Variants in ELF1 observed in about 807,000 individuals in gnomAD.
ELF1 encodes ETS-related transcription factor Elf-1.
Under a neutral mutation model 59.9 loss-of-function variants are expected in ELF1, and 24 were observed. The observed-to-expected ratio is 0.40, with a 90% CI of 0.29 to 0.56. The LOEUF (loss-of-function observed/expected upper bound fraction) is 0.56. Among genes scored for constraint, ELF1 ranks in the 20% least tolerant of loss-of-function variants. ELF1 has a pLI of 0.44. For synonymous variants in ELF1, 248 were observed against 266.2 expected, an observed-to-expected ratio of 0.93 and a Z score of 0.67; for missense variants, 627 against 742.2, an observed-to-expected ratio of 0.84 and a Z score of 1.80.
chr13:41,051,625 G>A (rs1425024034), intron 1 of ELF1, among the ~76,000 whole-genome samples: 2 of 152,014 alleles, frequency 1.3e-5, no homozygotes, highest in Non-Finnish European at 1.5e-5. Flanking sequence ...AATCAGAAAT[G>A]TATCTTGGTC....
chr13:41,054,137 C>A (rs1354019599), intron 1 of ELF1, among the ~76,000 whole-genome samples: 4 of 152,094 alleles, frequency 2.6e-5, no homozygotes, highest in Non-Finnish European at 5.9e-5. Context: ...AAAAACCAAC[C>A]CTTCCATATG....
chr13:40,933,433 A>G lies in ELF1; in HGVS notation c.1852T>C (p.Ser618Pro). ...MKQNELLEPN[S>P]F The stretch of plus-strand genomic sequence containing the variant: ...AAGCTTTGGTATATTAACTAAAAAG[A>G]GTTGGGTTCCAGCAGTTCGTTTTGT... The change falls in exon 9 of 9, where the codon TCT (serine) becomes CCT (proline). Residue 618 changes from serine to proline, a missense_variant. By Grantham distance (74) the Ser-to-Pro change is moderately conservative (BLOSUM62 -1). Around this residue, in one of 3 missense-constraint regions of ELF1, gnomAD observed 361 missense variants for 396.1 expected, o/e 0.91. Coordinates refer to ENST00000239882, the MANE Select transcript of ELF1 (RefSeq NM_172373.4). 2.5e-6 allele frequency: 4 copies of G among 1,610,016 alleles called. No individual in the cohort carries two copies. Among genetic ancestry groups the G allele is most frequent in the Admixed American group, 1.7e-5 (1 of 59,356 alleles).
At chr13:41,060,465 C>A (rs1877491176) in intron 1 of ELF1, among the ~76,000 whole-genome samples, 1 of 152,020 alleles carries the variant, frequency 6.6e-6, no homozygotes, top group Admixed American at 6.5e-5. Flanking sequence ...GGGGAGCAGC[C>A]CAGGGGAAAG....
intron 1 of ELF1, among the ~76,000 whole-genome samples, chr13:41,009,923 A>T (rs1874951988): frequency 6.6e-6 from 1 of 152,018 alleles, no homozygotes; most frequent in African/African-American, 2.4e-5. Flanking sequence ...ATATTCTTAA[A>T]ATGTATTGAG....
intron 1 of ELF1, among the ~76,000 whole-genome samples, chr13:41,060,437 C>G (rs1319479311): frequency 6.6e-6 from 1 of 152,144 alleles, no homozygotes; most frequent in Non-Finnish European, 1.5e-5. Flanking sequence ...GTCTGGAAAA[C>G]TACGGGCCGG....
chr13:41,054,345 C>T (rs1214805387), intron 1 of ELF1, among the ~76,000 whole-genome samples: 1 of 152,208 alleles, frequency 6.6e-6, no homozygotes, highest in Non-Finnish European at 1.5e-5. Context: ...AGTTCTAAAA[C>T]AGTAAATCGC....
chr13:40,980,211 C>A (rs1873172864), intron 2 of ELF1, among the ~76,000 whole-genome samples: 1 of 152,128 alleles, frequency 6.6e-6, no homozygotes, highest in Admixed American at 6.5e-5. Flanking sequence ...AATTGTGGCT[C>A]TACTATTTAC....
Position 40,933,645 on chromosome 13 carries a change from T to A in ELF1, c.1640A>T (p.His547Leu). The change falls in exon 9 of 9, where the codon CAC becomes CTC. Residue 547 changes from histidine (H) to leucine (L), a missense_variant. By Grantham distance (99) the His-to-Leu change is moderately conservative. Around this residue, in one of 3 missense-constraint regions of ELF1, gnomAD observed 361 missense variants for 396.1 expected, o/e 0.91. Transcript: ENST00000239882. Reference sequence around the variant, plus strand: ...TGAAGTGATTACAGTGCCAGGTGGGTGAGCAACCAGCTGTGAACTGCGAGG... The same window carrying A: ...TGAAGTGATTACAGTGCCAGGTGGGAGAGCAACCAGCTGTGAACTGCGAGG... ...FSPRSSQLVA[H>L]PPGTVITSVI... The A allele has an allele frequency of 3.1e-6, 5 of 1,614,234 alleles. No homozygotes were observed. The highest frequency in any genetic ancestry group is 4.2e-6 in the Non-Finnish European group (5 of 1,180,044).
chr13:40,955,948 C>G (rs866286662), intron 3 of ELF1, among the ~76,000 whole-genome samples: 15,260 of 104,356 alleles, frequency 0.15, 1,911 homozygotes, highest in African/African-American at 0.22. Flanking sequence ...GGGAGGGAGG[C>G]GGGGGGGTCA....
At chr13:40,990,074 GATAC>G (rs1310145577) in intron 1 of ELF1, among the ~76,000 whole-genome samples, 2 of 151,994 alleles carry the variant, frequency 1.3e-5, no homozygotes, top group Non-Finnish European at 2.9e-5. Flanking sequence ...ATACACATTC[GATAC>G]ATAATTTTAC....
At chr13:41,026,205 C>T (rs1875898576) in intron 1 of ELF1, among the ~76,000 whole-genome samples, 1 of 152,168 alleles carries the variant, frequency 6.6e-6, no homozygotes, top group South Asian at 2.1e-4. Flanking sequence ...CCTTCTACTT[C>T]AGTGTAATGT....
rs114100848 is a variant in ELF1 at position 40,935,174 on chromosome 13, A to G, written c.1257-1146T>C. 7.6e-3 allele frequency among the ~76,000 whole-genome samples: 1,162 copies of G among 152,364 alleles called. 17 individuals are homozygous for G. Among genetic ancestry groups the G allele is most frequent in the African/African-American group, 0.026 (1,090 of 41,584 alleles). ...GATATTATGAGTCAATCTAATTTAA[A>G]AAGTTCACAGCTCTGAAATTTATAG... On this transcript the variant is annotated intron_variant, in intron 8 of 8. Transcript: ENST00000239882.
chr13:40,955,961 C>A (rs1245898370), intron 3 of ELF1, among the ~76,000 whole-genome samples: 1 of 136,164 alleles, frequency 7.3e-6, no homozygotes, highest in Admixed American at 7.1e-5. Context: ...GGGGGTCAGC[C>A]CCCCGCCCGG....
At chr13:41,049,982 T>C (rs1261211453) in intron 1 of ELF1, among the ~76,000 whole-genome samples, 2 of 152,162 alleles carry the variant, frequency 1.3e-5, no homozygotes, top group Non-Finnish European at 2.9e-5. Flanking sequence ...GTGCATAGAG[T>C]ATCCACATAC....
intron 2 of ELF1, among the ~76,000 whole-genome samples, chr13:40,964,208 GA>G (rs1220991706): frequency 6.6e-6 from 1 of 152,136 alleles, no homozygotes; most frequent in Non-Finnish European, 1.5e-5. Context: ...ACCTTTTAAA[GA>G]AATAGTAAAA....
chr13:40,993,399 G>T, intron 1 of ELF1: 1 of 799,096 alleles, frequency 1.3e-6, no homozygotes, highest in Admixed American at 2.1e-5. Flanking sequence ...GGTCTGGGGG[G>T]AGCGGGGCTG....
At chr13:41,009,805 C>T (rs12584853) in intron 1 of ELF1, among the ~76,000 whole-genome samples, 7,171 of 151,932 alleles carry the variant, frequency 0.047, 423 homozygotes, top group East Asian at 0.23. Flanking sequence ...AGAAAGCTTG[C>T]ATTTTTTTAA....
At position 40,949,838 on chromosome 13, in the gene ELF1, G is replaced by T. The variant is rs1038873613; in HGVS notation, c.497C>A (p.Ala166Asp). The T allele has an allele frequency of 6.2e-7, 1 of 1,613,932 alleles. No individual in the cohort carries two copies. The highest frequency in any genetic ancestry group is 1.3e-5 in the African/African-American group (1 of 74,856). The change falls in exon 5 of 9, where the codon GCC (alanine) becomes GAC (aspartate). Residue 166 changes from alanine to aspartate, a missense_variant. Physicochemically the swap from Ala to Asp is moderately radical, Grantham distance 126. Around this residue, in one of 3 missense-constraint regions of ELF1, gnomAD observed 232 missense variants for 269.2 expected, o/e 0.86. Coordinates refer to ENST00000239882, the MANE Select transcript of ELF1 (RefSeq NM_172373.4). Reference sequence around the variant, plus strand: ...CCTCTTAGGCTGTTCTGGTGATGAGGCTCCCGGTGAGTCTGCATATTTTTC... The same window carrying T: ...CCTCTTAGGCTGTTCTGGTGATGAGTCTCCCGGTGAGTCTGCATATTTTTC... ...VQEKYADSPGASSPEQPKRKK... is the reference protein window; with the variant it reads ...VQEKYADSPGDSSPEQPKRKK...
intron 7 of ELF1, among the ~76,000 whole-genome samples, chr13:40,942,235 C>T (rs1870217535): frequency 6.6e-6 from 1 of 151,812 alleles, no homozygotes; most frequent in Non-Finnish European, 1.5e-5. Context: ...TTAAAAAAAC[C>T]CAAAAACTGT....
Sources: allele counts gnomAD v4.1 joint callset (sites outside exome capture counted in the v4.1 genomes callset), GRCh38; gene constraint gnomAD v4.1.1; regional missense constraint gnomAD v4.1.1; transcripts MANE v1.5; gene names NCBI Gene and HGNC (gene_info 2026-07-23, HGNC 2026-07-21).